FAM161B: variants seen among roughly 807,000 people sequenced by gnomAD.
FAM161B encodes the protein FAM161 centrosomal protein B.
In FAM161B, 46 loss-of-function variants were observed where a neutral mutation model predicts 61.5. That is an observed-to-expected ratio of 0.75 (90% CI 0.59 to 0.96). FAM161B has a LOEUF of 0.96. Ranked by LOEUF, FAM161B falls within the 40% of genes least tolerant of loss-of-function variation. FAM161B has a pLI of 0.00. For missense variants in FAM161B, 774 were observed against 800.7 expected (o/e 0.97, Z 0.40); for synonymous variants, 284 against 302.7 (o/e 0.94, Z 0.64).
At chr14:73,934,831 G>A (rs756780224) in intron 8 of FAM161B, among the ~76,000 whole-genome samples, 11 of 152,040 alleles carry the variant, frequency 7.2e-5, no homozygotes, top group African/African-American at 9.7e-5. Context: ...GGTGAATCAC[G>A]AGGTCAAGAG....
Position 73,941,091 on chromosome 14 carries a change from G to A in FAM161B, c.1273-38C>T, listed in dbSNP as rs572983696. 4.7e-6 allele frequency: 6 copies of A among 1,289,184 alleles called. No individual in the cohort carries two copies. The South Asian group carries it at 5.1e-5, about 11-fold the overall frequency. 79.9% of individuals were successfully genotyped at this position (1,289,184 alleles called of 1,614,324 possible). On this transcript the variant is annotated intron_variant, in intron 4 of 8. Transcript: ENST00000286544. ...AAGGTTGGTATTGGTGGGACAGCAT[G>A]TGTGATTAGTTTCTATCTTTTTTTT...
At chr14:73,925,926 C>T in the FAM161B span, among the ~76,000 whole-genome samples, 25 of 152,082 alleles carry the variant, frequency 1.6e-4, no homozygotes, top group African/African-American at 6.0e-4. Context: ...CCCAACTACT[C>T]GGGAGGCTGA....
chr14:73,932,005 T>C (rs1427776151), downstream of FAM161B: 4 of 456,422 alleles, frequency 8.8e-6, no homozygotes, highest in Admixed American at 7.1e-5. Flanking sequence ...AAGGGAGTGA[T>C]GTCAATTCTC....
chr14:73,931,715 T>C, downstream of FAM161B: 1 of 630,574 alleles, frequency 1.6e-6, no homozygotes, highest in Non-Finnish European at 2.8e-6. Context: ...AGAGCTTCTT[T>C]TCTAACTACC....
intron 1 of FAM161B, among the ~76,000 whole-genome samples, chr14:73,949,532 TTTTA>T (rs2056108037): frequency 6.6e-6 from 1 of 150,970 alleles, no homozygotes. Flanking sequence ...TTTTTTTTTT[TTTTA>T]AATTTTTAGA....
At position 73,946,435 on chromosome 14, in the gene FAM161B, C is replaced by T. The variant is rs756841613; in HGVS notation, c.225G>A (p.Lys75=). 5 of 1,614,072 alleles carry T rather than the reference C, an allele frequency of 3.1e-6. No individual in the cohort carries two copies. The African/African-American group carries it at 6.7e-5, about 22-fold the overall frequency. Residue 75 remains lysine, a synonymous_variant, in exon 2 of 9, where the codon AAG becomes AAA. Transcript: ENST00000286544. ...CCAACAGACACCATCTCCCTTTCTG[C>T]TTCAGTTCCTGTAAGTTCTGGTAAA... is the stretch of plus-strand genomic sequence containing the variant. ...GSIYQNLQEL[K]QKGRWCLLES...
rs755124783 is a variant in FAM161B, at chr14:73,934,342, C to A, written c.1858G>T (p.Gly620Ter). 4.3e-6 allele frequency: 7 copies of A among 1,614,076 alleles called. No individual in the cohort carries two copies. Among genetic ancestry groups the A allele is most frequent in the Non-Finnish European group, 5.1e-6 (6 of 1,180,004 alleles). ...SIRDPEQGLE[G>*]SLEQPASPRK... ...GGGCTTGCAGGCTGTTCTAGAGATC[C>A]TTCTAAACCCTGCTCTGGATCTCTG... The change falls in exon 9 of 9, where the codon GGA becomes TGA. Residue 620 changes from glycine (G) to a stop codon, truncating the protein, a stop_gained. Transcript: ENST00000286544. LOFTEE classifies it low-confidence loss of function (END_TRUNC).
intron 8 of FAM161B, 26 bp downstream of exon 8, chr14:73,935,923 A>T: frequency 6.3e-7 from 1 of 1,598,242 alleles, no homozygotes; most frequent in Non-Finnish European, 8.6e-7. Flanking sequence ...AGAGAGCTGC[A>T]GAATGACAGC....
intron 3 of FAM161B, among the ~76,000 whole-genome samples, chr14:73,944,105 G>A (rs116084072): frequency 0.017 from 2,533 of 152,236 alleles, 69 homozygotes; most frequent in African/African-American, 0.058. Context: ...ATGTCAACAG[G>A]ACGAGCCTTG....
At position 73,944,871 on chromosome 14, in the gene FAM161B, C is replaced by CT; in HGVS notation, c.388dup (p.Arg130LysfsTer67). ...AAGGTTGTTCAGGGAGCTGCAGCGC[C>CT]TTGTGGAGCCACACCTGGGAAAAAA... On this transcript the variant is annotated frameshift_variant, in exon 3 of 9. Transcript: ENST00000286544. LOFTEE classifies it high-confidence loss of function. The CT allele has an allele frequency of 6.6e-7, 1 of 1,515,612 alleles. No individual in the cohort carries two copies. Among genetic ancestry groups the CT allele is most frequent in the Non-Finnish European group, 8.8e-7 (1 of 1,133,272 alleles). 93.9% of individuals were successfully genotyped at this position (1,515,612 alleles called of 1,614,324 possible).
chr14:73,935,869 A>G, intron 8 of FAM161B, 80 bp downstream of exon 8: 1 of 1,457,166 alleles, frequency 6.9e-7, no homozygotes, highest in Non-Finnish European at 9.2e-7. Context: ...ACCAGTGGCT[A>G]TTCTAAAGTT....
chr14:73,947,490 G>A (rs981174778), intron 1 of FAM161B, among the ~76,000 whole-genome samples: 3 of 151,612 alleles, frequency 2.0e-5, no homozygotes, highest in Non-Finnish European at 2.9e-5. Context: ...AACTTTTTCA[G>A]TACTCCATTC....
At chr14:73,923,275 T>C in the FAM161B span, 2 of 1,151,498 alleles carry the variant, frequency 1.7e-6, no homozygotes, top group African/African-American at 3.1e-5. Flanking sequence ...TTGGAAGAAA[T>C]AGAGGAATGT....
chr14:73,939,643 C>T (rs114485954), intron 5 of FAM161B, among the ~76,000 whole-genome samples: 90 of 152,320 alleles, frequency 5.9e-4, no homozygotes, highest in African/African-American at 2.0e-3. Flanking sequence ...GTTCATGGTC[C>T]TTTGGGAATA....
intron 5 of FAM161B, among the ~76,000 whole-genome samples, chr14:73,938,995 T>C (rs1371047755): frequency 6.6e-6 from 1 of 151,712 alleles, no homozygotes; most frequent in Non-Finnish European, 1.5e-5. Context: ...TGGAGAAACG[T>C]CAGTTAAAAT....
In FAM161B at chr14:73,944,530, C is replaced by A. The variant is rs1208067391; in HGVS notation, c.730G>T (p.Gly244Trp). Residue 244 changes from glycine to tryptophan, a missense_variant, in exon 3 of 9, where the codon GGG becomes TGG. Physicochemically the swap from Gly to Trp is radical, Grantham distance 184. Transcript: ENST00000286544. The part of the protein sequence containing the change: ...MERSEARRQA[G>W]IQKRKELLLS... ...AGCAGTTCCTTCCTCTTCTGGATCC[C>A]TGCCTGCCTTCGGGCCTCGCTGCGC... is the stretch of plus-strand genomic sequence containing the variant. 10 of 1,614,056 alleles carry A rather than the reference C, an allele frequency of 6.2e-6. No individual in the cohort carries two copies. The highest frequency in any genetic ancestry group is 8.5e-6 in the Non-Finnish European group (10 of 1,180,034).
At position 73,944,798 on chromosome 14, in the gene FAM161B, C is replaced by T; in HGVS notation, c.462G>A (p.Arg154=). 1 of 1,577,964 alleles carries T rather than the reference C, an allele frequency of 6.3e-7. No homozygotes were observed. Among genetic ancestry groups the T allele is most frequent in the South Asian group, 1.2e-5 (1 of 85,670 alleles). ...RPQTQPPSGS[R]PPSQHRSVSS... ...TGACGCTTCTGTGCTGGGAGGGAGG[C>T]CGGGAGCCTGAGGGTGGCTGGGTCT... The change falls in exon 3 of 9, where the codon CGG becomes CGA. Residue 154 remains arginine (R), a synonymous_variant. Coordinates refer to ENST00000286544, the MANE Select transcript of FAM161B (RefSeq NM_152445.3).
chr14:73,931,963 T>C (rs1019751479), downstream of FAM161B: 6 of 456,714 alleles, frequency 1.3e-5, no homozygotes, highest in African/African-American at 8.0e-5. Context: ...CACCAGGAAG[T>C]TGAGTTTTCA....
downstream of FAM161B, chr14:73,931,697 G>A (rs1594773112): frequency 2.3e-5 from 15 of 666,214 alleles, no homozygotes; most frequent in East Asian, 4.3e-4. Context: ...ATAGAAGATG[G>A]ATGTAGGAGA....
Sources: gnomAD v4.1 joint callset for allele counts (sites outside exome capture counted in the v4.1 genomes callset) on GRCh38, gnomAD v4.1.1 for gene constraint, MANE v1.5 for transcripts, NCBI Gene and HGNC (gene_info 2026-07-23, HGNC 2026-07-21) for gene names.